YPEL2: variants seen among roughly 807,000 people sequenced by gnomAD.
The protein encoded by YPEL2 is yippee like 2.
A neutral mutation model predicts 19.1 loss-of-function variants in YPEL2; 2 were observed. The ratio of observed to expected loss-of-function variants is 0.10; its 90% confidence interval spans 0.04 to 0.33. The LOEUF (loss-of-function observed/expected upper bound fraction) is 0.33, where lower values mean the gene tolerates loss of function less well. YPEL2 is among the 10% of genes least tolerant of loss of function. The pLI is 1.00. For synonymous variants in YPEL2, 52 were observed against 50.0 expected (o/e 1.04, Z -0.17); for missense variants, 66 against 140.7 (o/e 0.47, Z 2.68).
chr17:59,395,705 T>C (rs545437342), intron 4 of YPEL2, among the ~76,000 whole-genome samples: 1 of 152,246 alleles, frequency 6.6e-6, no homozygotes, highest in African/African-American at 2.4e-5. Flanking sequence ...GAAAAACCGA[T>C]TGAGAAGGAG....
intron 4 of YPEL2, among the ~76,000 whole-genome samples, chr17:59,396,544 A>G (rs2048040193): frequency 6.6e-6 from 1 of 152,246 alleles, no homozygotes; most frequent in African/African-American, 2.4e-5. Flanking sequence ...AAAGACTTAA[A>G]TGAGCGAAGC....
Position 59,353,566 on chromosome 17 carries a change from A to C in YPEL2, c.117+40A>C. The C allele has an allele frequency of 6.8e-7, 1 of 1,466,354 alleles. No homozygotes were observed. 90.8% of individuals were successfully genotyped at this position (1,466,354 alleles called of 1,614,324 possible). A position where few individuals can be genotyped will look rare whatever the true frequency, so the allele number is the denominator to read the frequency against. On this transcript the variant is annotated intron_variant, in intron 2 of 4. Transcript: ENST00000312655. This position sits in a 1 kb window ranked among gnomAD's most constrained non-coding sequence, Gnocchi z 4.8. Reference sequence around the variant, plus strand: ...CAGGCCTTCCTTGCCTACCCCGGGGAGGGCGCTTAGTGCTCCTGAAGTTGC... The same window carrying C: ...CAGGCCTTCCTTGCCTACCCCGGGGCGGGCGCTTAGTGCTCCTGAAGTTGC...
In YPEL2 at chr17:59,389,929, C is replaced by G. The variant is rs146150286; in HGVS notation, c.270+461C>G. On this transcript the variant is annotated intron_variant, in intron 4 of 4. Coordinates refer to ENST00000312655, the MANE Select transcript of YPEL2 (RefSeq NM_001005404.4). ...TTTTTATTTCTAAATTTTTCATTCT[C>G]AAAGGACGTGACCATGTAGTAGTAT... 1.8e-3 allele frequency among the ~76,000 whole-genome samples: 277 copies of G among 152,290 alleles called. 2 individuals are homozygous for G. Among genetic ancestry groups the G allele is most frequent in the Non-Finnish European group, 2.4e-3 (165 of 68,024 alleles).
chr17:59,338,612 A>C (rs1243993121), intron 1 of YPEL2, among the ~76,000 whole-genome samples: 3 of 152,160 alleles, frequency 2.0e-5, no homozygotes, highest in African/African-American at 7.2e-5. Context: ...TGTATGGGGA[A>C]TGTTCAGGAA....
chr17:59,346,687 T>C (rs1252313425), intron 1 of YPEL2, among the ~76,000 whole-genome samples: 1 of 152,156 alleles, frequency 6.6e-6, no homozygotes, highest in Non-Finnish European at 1.5e-5. Context: ...AAGATGACTC[T>C]TGGAGCCTAC....
chr17:59,377,244 G>A (rs1166198504), intron 2 of YPEL2, among the ~76,000 whole-genome samples: 1 of 152,154 alleles, frequency 6.6e-6, no homozygotes, highest in Non-Finnish European at 1.5e-5. Context: ...TTCTTCCTAG[G>A]CATATTAATT....
At chr17:59,368,581 G>T (rs1446894772) in intron 2 of YPEL2, among the ~76,000 whole-genome samples, 1 of 152,190 alleles carries the variant, frequency 6.6e-6, no homozygotes, top group Admixed American at 6.5e-5. Context: ...GAAGACAAGA[G>T]GAGTCCATTC....
intron 2 of YPEL2, chr17:59,355,117 T>C (rs2047806438): frequency 6.6e-6 from 1 of 152,200 alleles, no homozygotes; most frequent in African/African-American, 2.4e-5. Context: ...TTTAGCACCC[T>C]TTATGTACTA....
At chr17:59,388,949 G>C (rs138131704) in intron 3 of YPEL2, 2 of 218,072 alleles carry the variant, frequency 9.2e-6, no homozygotes, top group African/African-American at 4.5e-5. Context: ...ACTCATTCCT[G>C]TATCAGGACC....
intron 1 of YPEL2, among the ~76,000 whole-genome samples, chr17:59,338,291 A>G (rs926789017): frequency 2.6e-5 from 4 of 152,162 alleles, no homozygotes; most frequent in Non-Finnish European, 4.4e-5. Flanking sequence ...CTCAAACATG[A>G]TCTTCTGGGT....
intron 3 of YPEL2, 95 bp downstream of exon 3, chr17:59,388,465 C>T (rs1216529313): frequency 1.6e-6 from 2 of 1,241,024 alleles, no homozygotes; most frequent in Admixed American, 1.7e-5. Context: ...GAACCCTGCC[C>T]TGTCTGCCAC....
At chr17:59,367,737 G>A (rs968824441) in intron 2 of YPEL2, among the ~76,000 whole-genome samples, 2 of 152,148 alleles carry the variant, frequency 1.3e-5, no homozygotes, top group East Asian at 3.8e-4. Flanking sequence ...TTGACACCCT[G>A]GTGAGAATTC....
At chr17:59,373,837 G>A (rs1960923742) in intron 2 of YPEL2, among the ~76,000 whole-genome samples, 1 of 152,168 alleles carries the variant, frequency 6.6e-6, no homozygotes, top group Non-Finnish European at 1.5e-5. Flanking sequence ...GAAAGATTGA[G>A]CACCCAAATA....
Position 59,353,026 on chromosome 17 carries a change from C to T in YPEL2, c.-195-189C>T, listed in dbSNP as rs778240145. 1.1e-4 allele frequency among the ~76,000 whole-genome samples: 16 copies of T among 152,154 alleles called. No individual in the cohort carries two copies. Among genetic ancestry groups the T allele is most frequent in the Admixed American group, 2.6e-4 (4 of 15,280 alleles). On this transcript the variant is annotated intron_variant, in intron 1 of 4. Transcript: ENST00000312655. This position sits in a 1 kb window ranked among gnomAD's most constrained non-coding sequence, Gnocchi z 4.8. Reference sequence around the variant, plus strand: ...TGAACTTCCCACTCCAGAAAAGCAGCGAGACTGGAGTCTCCAGTGGTTTCT... The same window carrying T: ...TGAACTTCCCACTCCAGAAAAGCAGTGAGACTGGAGTCTCCAGTGGTTTCT...
intron 2 of YPEL2, among the ~76,000 whole-genome samples, chr17:59,387,964 A>G (rs1191583939): frequency 1.3e-5 from 2 of 152,238 alleles, no homozygotes; most frequent in Non-Finnish European, 2.9e-5. Flanking sequence ...GCCAGCACAG[A>G]TGGCTGAAAT....
intron 1 of YPEL2, among the ~76,000 whole-genome samples, chr17:59,351,144 G>T (rs1278375945): frequency 6.6e-6 from 1 of 152,158 alleles, no homozygotes; most frequent in Admixed American, 6.5e-5. Flanking sequence ...GGAGGCTGAG[G>T]TGGGTTGATC....
intron 1 of YPEL2, among the ~76,000 whole-genome samples, chr17:59,347,066 C>T (rs561169136): frequency 8.5e-5 from 13 of 152,202 alleles, no homozygotes; most frequent in South Asian, 8.3e-4. Flanking sequence ...TATGCATGGG[C>T]GTTAGTGGTA....
chr17:59,382,110 A>G (rs575810645), intron 2 of YPEL2, among the ~76,000 whole-genome samples: 6 of 152,334 alleles, frequency 3.9e-5, no homozygotes, highest in African/African-American at 1.4e-4. Flanking sequence ...AATGGAACCC[A>G]TGATGGAAAA....
intron 1 of YPEL2, among the ~76,000 whole-genome samples, chr17:59,343,352 C>T (rs961657797): frequency 2.0e-5 from 3 of 151,914 alleles, no homozygotes; most frequent in Admixed American, 6.6e-5. Context: ...GTCCTGTAGA[C>T]ACTACTGGGG....
Sources: gnomAD v4.1 joint callset for allele counts (sites outside exome capture counted in the v4.1 genomes callset) on GRCh38, gnomAD v4.1.1 for gene constraint, Gnocchi (gnomAD v3.1) non-coding constraint, MANE v1.5 for transcripts, NCBI Gene and HGNC (gene_info 2026-07-23, HGNC 2026-07-21) for gene names.